PIGA: variants seen among roughly 807,000 people sequenced by gnomAD.
The protein encoded by PIGA is phosphatidylinositol glycan anchor biosynthesis class A, also known as phosphatidylinositol N-acetylglucosaminyltransferase subunit A.
PIGA carries 3 observed loss-of-function variants against 17.1 expected under a neutral mutation model. The observed-to-expected ratio is 0.18, with a 90% CI of 0.08 to 0.45. PIGA has a LOEUF of 0.45. PIGA is among the 20% of genes least tolerant of loss of function. The pLI is 0.99. For missense variants in PIGA, 231 were observed against 374.1 expected (o/e 0.62, Z 3.16); for synonymous variants, 126 against 135.1 (o/e 0.93, Z 0.47).
rs752395232 is a variant in PIGA, at chrX:15,331,414, C to G, written c.517G>C (p.Val173Leu). The G allele has an allele frequency of 8.3e-7, 1 of 1,210,216 alleles. No individual in the cohort carries two copies. Among genetic ancestry groups the G allele is most frequent in the South Asian group, 1.8e-5 (1 of 56,981 alleles). ...SSVLTNKLLTVSLCDTNHIIC... is the reference protein window; with the variant it reads ...SSVLTNKLLTLSLCDTNHIIC... The stretch of plus-strand genomic sequence containing the variant: ...ATGTGGTTTGTATCACAAAGAGACA[C>G]GGTTAGAAGCTTGTTTGTAAGCACC... The change falls in exon 2 of 6, where the codon GTG becomes CTG. Residue 173 changes from valine to leucine, a missense_variant. This residue lies in a region of PIGA where 83 missense variants were observed against 190.1 expected (regional missense o/e 0.44). Transcript: ENST00000333590.
chrX:15,325,379 A>G, intron 3 of PIGA: 1 of 263,649 alleles, frequency 3.8e-6, no homozygotes, highest in Non-Finnish European at 6.7e-6. Flanking sequence ...TTTGTTACAC[A>G]TATCAAACTT....
intron 2 of PIGA, among the ~76,000 whole-genome samples, chrX:15,330,083 G>A (rs180987927): frequency 7.6e-4 from 65 of 86,044 alleles, no homozygotes; most frequent in African/African-American, 2.3e-3. Flanking sequence ...GCGAGACTCC[G>A]TCTCAAAAAA....
chrX:15,326,817 A>G (rs983047946), intron 2 of PIGA: 2 of 112,239 alleles, frequency 1.8e-5, no homozygotes, highest in Non-Finnish European at 3.8e-5. Flanking sequence ...TAATATATAA[A>G]CACAATCTCA....
chrX:15,320,153 A>AT lies in PIGA; in HGVS notation c.*1352dup. ...AGTGCAACCAGTTAATAGGCATGTT[A>AT]TTTTTTAAAAAGTAATAAATTTTGT... On this transcript the variant is annotated 3_prime_UTR_variant, in exon 6 of 6. Transcript: ENST00000333590. 3 of 112,923 alleles carry AT rather than the reference A, an allele frequency of 2.7e-5. No homozygotes were observed. In the Admixed American group the frequency reaches 2.8e-4, roughly 11 times the overall value. The allele number at this position is 112,923 out of a possible 1,213,427, so 9.3% of individuals were successfully genotyped here.
chrX:15,323,526 G>T (rs901951853), intron 5 of PIGA, among the ~76,000 whole-genome samples: 1 of 111,054 alleles, frequency 9.0e-6, no homozygotes, highest in African/African-American at 3.3e-5. Context: ...AACTTTCCAT[G>T]TTTCATATGG....
In PIGA at chrX:15,331,713, G is replaced by A; in HGVS notation, c.218C>T (p.Ala73Val). 1 of 1,212,035 alleles carries A rather than the reference G, an allele frequency of 8.3e-7. No homozygotes were observed. The highest frequency in any genetic ancestry group is 1.1e-6 in the Non-Finnish European group (1 of 895,522). The change falls in exon 2 of 6, where the codon GCT (alanine) becomes GTT (valine). Residue 73 changes from alanine (A) to valine (V), a missense_variant. Ala to Val is a moderately conservative substitution (Grantham distance 64). Transcript: ENST00000333590. ...RGHKVIIVTHAYGNRKGIRYL... is the reference protein window; with the variant it reads ...RGHKVIIVTHVYGNRKGIRYL... ...ACGGATGCCTTTTCGATTTCCATAA[G>A]CATGGGTGACAATTATAACCTTATG...
In PIGA at chrX:15,331,938, C is replaced by T. The variant is rs767487046; in HGVS notation, c.-8G>A. On this transcript the variant is annotated 5_prime_UTR_variant, in exon 2 of 6. Transcript: ENST00000333590. ...TCCTCCTCTACAGGCCATGCTGAGA[C>T]GGTTTAGACATCAGTTCTTAGAGCA... 5 of 1,187,018 alleles carry T rather than the reference C, an allele frequency of 4.2e-6. No homozygotes were observed. The highest frequency in any genetic ancestry group is 4.5e-6 in the Non-Finnish European group (4 of 882,230).
At chrX:15,330,084 T>C (rs1314328451) in intron 2 of PIGA, among the ~76,000 whole-genome samples, 1 of 84,936 alleles carries the variant, frequency 1.2e-5, no homozygotes, top group Admixed American at 1.2e-4. Flanking sequence ...CGAGACTCCG[T>C]CTCAAAAAAA....
At chrX:15,330,634 G>C (rs186797489) in intron 2 of PIGA, among the ~76,000 whole-genome samples, 3 of 110,825 alleles carry the variant, frequency 2.7e-5, no homozygotes, top group African/African-American at 6.6e-5. Context: ...ACGGAGTCTC[G>C]TTATGTCGCC....
Position 15,320,124 on chromosome X carries a change from T to C in PIGA, c.*1382A>G, listed in dbSNP as rs1275948993. The C allele has an allele frequency of 1.8e-5, 2 of 112,963 alleles. No homozygotes were observed. The highest frequency in any genetic ancestry group is 6.4e-5 in the African/African-American group (2 of 31,119). 9.3% of individuals were successfully genotyped at this position (112,963 alleles called of 1,213,427 possible). On this transcript the variant is annotated 3_prime_UTR_variant, in exon 6 of 6. Coordinates refer to ENST00000333590, the MANE Select transcript of PIGA (RefSeq NM_002641.4). ...ACAAAACACAAATATATTTCTTTTA[T>C]ATCAGTGCAACCAGTTAATAGGCAT...
At chrX:15,335,275 G>C (rs1922302226) in intron 1 of PIGA, 2 of 306,293 alleles carry the variant, frequency 6.5e-6, no homozygotes, top group Admixed American at 1.2e-4. Flanking sequence ...GGGTTCCGGA[G>C]ACCCCAGTCC....
intron 2 of PIGA, among the ~76,000 whole-genome samples, chrX:15,327,449 T>C (rs1428274537): frequency 9.0e-6 from 1 of 111,429 alleles, no homozygotes; most frequent in Non-Finnish European, 1.9e-5. Flanking sequence ...GACATATATA[T>C]TATAGGGTCA....
At chrX:15,333,340 C>T (rs1000010392) in intron 1 of PIGA, among the ~76,000 whole-genome samples, 6 of 112,511 alleles carry the variant, frequency 5.3e-5, no homozygotes, top group Admixed American at 9.4e-5. Flanking sequence ...TTTCAAATGT[C>T]ACCAGAGCAC....
chrX:15,325,688 C>A (rs897500914), intron 3 of PIGA: 2 of 247,534 alleles, frequency 8.1e-6, no homozygotes, highest in African/African-American at 5.7e-5. Flanking sequence ...CCAACAATGG[C>A]CCCCCAAAGT....
Position 15,335,503 on chromosome X carries a change from G to A in PIGA, c.-65C>T, listed in dbSNP as rs1224000404. 2 of 981,967 alleles carry A rather than the reference G, an allele frequency of 2.0e-6. No individual in the cohort carries two copies. The highest frequency in any genetic ancestry group is 1.3e-6 in the Non-Finnish European group (1 of 779,161). The allele number at this position is 981,967 out of a possible 1,213,427, so 80.9% of individuals were successfully genotyped here. Reference sequence around the variant, plus strand: ...GGGGCGGCGCGACGCGCACTCACCGGTGAGTTCCATGGCCGCCAGTGTCCG... The same window carrying A: ...GGGGCGGCGCGACGCGCACTCACCGATGAGTTCCATGGCCGCCAGTGTCCG... On this transcript the variant is annotated splice_region_variant and 5_prime_UTR_variant, in exon 1 of 6. Transcript: ENST00000333590.
At position 15,321,735 on chromosome X, in the gene PIGA, A is replaced by T. The variant is rs1243499829; in HGVS notation, c.1226T>A (p.Met409Lys). The T allele has an allele frequency of 5.0e-6, 6 of 1,209,129 alleles. No individual in the cohort carries two copies. The highest frequency in any genetic ancestry group is 6.7e-6 in the Non-Finnish European group (6 of 894,295). The change falls in exon 6 of 6, where the codon ATG becomes AAG. Residue 409 changes from methionine (M) to lysine (K), a missense_variant. Transcript: ENST00000333590. ...DRVSVEAVLPMDKRLDRLISH... is the reference protein window; with the variant it reads ...DRVSVEAVLPKDKRLDRLISH... ...AATAAGTCTGTCCAGTCGTTTGTCCATTGGCAACACAGCTTCCACTGATAC... is the reference window on the plus strand; with the variant it reads ...AATAAGTCTGTCCAGTCGTTTGTCCTTTGGCAACACAGCTTCCACTGATAC...
rs1922279242 is a variant in PIGA at position 15,334,696 on chromosome X, A to T, written c.-63+805T>A. 2.7e-5 allele frequency among the ~76,000 whole-genome samples: 3 copies of T among 112,006 alleles called. No individual in the cohort carries two copies. The South Asian group carries it at 1.1e-3, about 41-fold the overall frequency. The stretch of plus-strand genomic sequence containing the variant: ...AAGATGAACGATAGCAAAAACAGTG[A>T]GTAATGAACCAAATGATATCATTTA... On this transcript the variant is annotated intron_variant, in intron 1 of 5. Transcript: ENST00000333590.
intron 5 of PIGA, among the ~76,000 whole-genome samples, chrX:15,322,099 A>G (rs1274633355): frequency 9.0e-6 from 1 of 111,725 alleles, no homozygotes; most frequent in Admixed American, 9.6e-5. Context: ...AAAGTCCCGC[A>G]AAGTCTGAAC....
rs757835670 is a variant in PIGA at position 15,321,682 on chromosome X, T to C, written c.1279A>G (p.Ile427Val). Residue 427 changes from isoleucine to valine, a missense_variant, in exon 6 of 6, where the codon ATC becomes GTC. Physicochemically the swap from Ile to Val is conservative, Grantham distance 29. Around this residue, in one of 5 missense-constraint regions of PIGA, gnomAD observed 88 missense variants for 100.5 expected, o/e 0.88. Transcript: ENST00000333590. ...TTGAAAACTGCCAACAAAGCAAAGATGTAGCCTGTTACTGGGCCGCAGTGA... is the reference window on the plus strand; with the variant it reads ...TTGAAAACTGCCAACAAAGCAAAGACGTAGCCTGTTACTGGGCCGCAGTGA... Reference protein sequence around the residue: ...ISHCGPVTGYIFALLAVFNFL... With the variant: ...ISHCGPVTGYVFALLAVFNFL... The C allele has an allele frequency of 8.3e-7, 1 of 1,209,489 alleles. No homozygotes were observed. Among genetic ancestry groups the C allele is most frequent in the East Asian group, 3.0e-5 (1 of 33,817 alleles).
Sources: gnomAD v4.1 joint callset for allele counts (sites outside exome capture counted in the v4.1 genomes callset) on GRCh38, gnomAD v4.1.1 for gene constraint, gnomAD v4.1.1 regional missense constraint, MANE v1.5 for transcripts, NCBI Gene and HGNC (gene_info 2026-07-23, HGNC 2026-07-21) for gene names.